The following ELOVL7 variants were observed in gnomAD, a reference collection of about 807,000 sequenced individuals.
ELOVL7 encodes the protein very long chain fatty acid elongase 7.
ELOVL7 carries 27 observed loss-of-function variants against 35.7 expected under a neutral mutation model. The observed-to-expected ratio is 0.76, with a 90% CI of 0.56 to 1.04. The LOEUF (loss-of-function observed/expected upper bound fraction) is 1.04. Among genes scored for constraint, ELOVL7 ranks in the 50% least tolerant of loss-of-function variants. The pLI, the probability that ELOVL7 is intolerant of heterozygous loss-of-function variation, is 0.00. For missense variants in ELOVL7, 327 were observed against 340.8 expected (o/e 0.96, Z 0.32); for synonymous variants, 113 against 114.6 (o/e 0.99, Z 0.09).
At chr5:60,837,323 G>GGGC (rs1561478270) in intron 1 of ELOVL7, among the ~76,000 whole-genome samples, 1 of 72,424 alleles carries the variant, frequency 1.4e-5, no homozygotes, top group Non-Finnish European at 2.8e-5. Flanking sequence ...GGTGGGGGGG[G>GGGC]AGTGGGGGGT....
chr5:60,776,948 T>C (rs1419235411), intron 3 of ELOVL7, among the ~76,000 whole-genome samples: 1 of 152,074 alleles, frequency 6.6e-6, no homozygotes, highest in Admixed American at 6.6e-5. Context: ...GAAGAAAATA[T>C]AAAAATTTAT....
At chr5:60,831,916 T>A (rs2112387240) in intron 1 of ELOVL7, among the ~76,000 whole-genome samples, 1 of 152,332 alleles carries the variant, frequency 6.6e-6, no homozygotes, top group South Asian at 2.1e-4. Context: ...TATGCTTGGA[T>A]CTTAATATAT....
rs140642833 is a variant in ELOVL7, at chr5:60,806,994, G to A, written c.-85-7764C>T. Among the ~76,000 whole-genome samples the A allele has an allele frequency of 1.8e-3, 267 of 152,272 alleles. 2 individuals carry two copies. Among genetic ancestry groups the A allele is most frequent in the Admixed American group, 3.1e-3 (47 of 15,300 alleles). ...ATACAAATGTTCTAAATTGCAAAAC[G>A]CTGTGGCCCAGGAAAGGGTCGGGAG... On this transcript the variant is annotated intron_variant, in intron 1 of 8. Coordinates refer to ENST00000508821, the MANE Select transcript of ELOVL7 (RefSeq NM_024930.3).
intron 3 of ELOVL7, among the ~76,000 whole-genome samples, chr5:60,774,710 C>T (rs1742800481): frequency 6.6e-6 from 1 of 151,040 alleles, no homozygotes; most frequent in African/African-American, 2.4e-5. Flanking sequence ...TCCCTGCTTG[C>T]TGATGATATG....
In ELOVL7 at chr5:60,826,557, G is replaced by A. The variant is rs145626005; in HGVS notation, c.-86+17603C>T. 5.2e-4 allele frequency among the ~76,000 whole-genome samples: 79 copies of A among 152,234 alleles called. 2 individuals carry two copies. In the East Asian group the frequency reaches 0.013, roughly 25 times the overall value. ...TTCCAAATTGCAAGGCATTTCTAATGCCAGTGCCTGTTTTTTAACAAATTT... is the reference window on the plus strand; with the variant it reads ...TTCCAAATTGCAAGGCATTTCTAATACCAGTGCCTGTTTTTTAACAAATTT... On this transcript the variant is annotated intron_variant, in intron 1 of 8. Transcript: ENST00000508821.
At chr5:60,818,187 G>A (rs551200377) in intron 1 of ELOVL7, among the ~76,000 whole-genome samples, 5 of 151,554 alleles carry the variant, frequency 3.3e-5, no homozygotes, top group African/African-American at 9.7e-5. Context: ...GTGTGGTGGC[G>A]GGCGCCTATA....
chr5:60,780,829 G>A lies in ELOVL7; in HGVS notation c.64+6505C>T, dbSNP rs531367343. ...TTACCTCCCACTGGGTCCCTCCCACGACATGTGGGAATTATGGGAACTACA... is the reference window on the plus strand; with the variant it reads ...TTACCTCCCACTGGGTCCCTCCCACAACATGTGGGAATTATGGGAACTACA... On this transcript the variant is annotated intron_variant, in intron 3 of 8. Coordinates refer to ENST00000508821, the MANE Select transcript of ELOVL7 (RefSeq NM_024930.3). Among the ~76,000 whole-genome samples, 30 of 152,028 alleles carry A rather than the reference G, an allele frequency of 2.0e-4. No individual in the cohort carries two copies. The East Asian group carries it at 3.5e-3, about 18-fold the overall frequency.
intron 1 of ELOVL7, among the ~76,000 whole-genome samples, chr5:60,834,346 C>T (rs888520199): frequency 6.6e-6 from 1 of 152,104 alleles, no homozygotes; most frequent in African/African-American, 2.4e-5. Context: ...GGGGTTTCAC[C>T]GTGTTAGCCA....
intron 1 of ELOVL7, among the ~76,000 whole-genome samples, chr5:60,813,829 T>C: frequency 6.6e-6 from 1 of 152,148 alleles, no homozygotes; most frequent in East Asian, 1.9e-4. Flanking sequence ...TCTTTTCTCT[T>C]AGATAGTTAG....
At chr5:60,794,818 A>G (rs899263746) in intron 2 of ELOVL7, among the ~76,000 whole-genome samples, 5 of 152,194 alleles carry the variant, frequency 3.3e-5, no homozygotes, top group African/African-American at 1.2e-4. Context: ...GATGCTGCTC[A>G]AGGGACCACA....
Position 60,833,845 on chromosome 5 carries a change from T to C in ELOVL7, c.-86+10315A>G, listed in dbSNP as rs574068624. 1.6e-3 allele frequency among the ~76,000 whole-genome samples: 251 copies of C among 152,316 alleles called. 2 individuals carry two copies. Among genetic ancestry groups the C allele is most frequent in the African/African-American group, 5.8e-3 (241 of 41,580 alleles). On this transcript the variant is annotated intron_variant, in intron 1 of 8. Coordinates refer to ENST00000508821, the MANE Select transcript of ELOVL7 (RefSeq NM_024930.3). ...AGACTTTAGCACAGTGGCTGGAATA[T>C]AGCCAGTGCTTAATAATTGCTATTA...
At chr5:60,824,686 G>T (rs187132758) in intron 1 of ELOVL7, among the ~76,000 whole-genome samples, 2 of 152,082 alleles carry the variant, frequency 1.3e-5, no homozygotes, top group African/African-American at 2.4e-5. Context: ...TTACTTTAAC[G>T]GTGGCCCAAG....
chr5:60,827,833 C>A (rs986698377), intron 1 of ELOVL7, among the ~76,000 whole-genome samples: 1 of 152,176 alleles, frequency 6.6e-6, no homozygotes, highest in African/African-American at 2.4e-5. Context: ...AGTTTTGGTA[C>A]CACAACCCAC....
chr5:60,792,927 T>G (rs751950544), intron 2 of ELOVL7, among the ~76,000 whole-genome samples: 18 of 152,192 alleles, frequency 1.2e-4, no homozygotes, highest in Non-Finnish European at 1.8e-4. Flanking sequence ...ATCCCCTTGA[T>G]GCATCCCTGC....
intron 1 of ELOVL7, among the ~76,000 whole-genome samples, chr5:60,841,040 T>G (rs1438106774): frequency 6.6e-6 from 1 of 150,974 alleles, no homozygotes; most frequent in African/African-American, 2.4e-5. Flanking sequence ...TTTTTTTTTT[T>G]TTTTAAGACA....
chr5:60,813,629 G>A (rs896435740), intron 1 of ELOVL7, among the ~76,000 whole-genome samples: 3 of 151,350 alleles, frequency 2.0e-5, no homozygotes, highest in Middle Eastern at 3.4e-3. Flanking sequence ...TCAACTCTTT[G>A]TTTTTGTTTA....
At chr5:60,789,974 T>G (rs892017973) in intron 2 of ELOVL7, among the ~76,000 whole-genome samples, 1 of 151,904 alleles carries the variant, frequency 6.6e-6, no homozygotes, top group Non-Finnish European at 1.5e-5. Context: ...CCTGTTTCTA[T>G]AAAAATACAA....
chr5:60,798,080 T>C (rs1744373468), intron 2 of ELOVL7, among the ~76,000 whole-genome samples: 2 of 152,170 alleles, frequency 1.3e-5, no homozygotes, highest in South Asian at 4.1e-4. Flanking sequence ...CTTACATACA[T>C]TGATTGATGT....
intron 3 of ELOVL7, among the ~76,000 whole-genome samples, chr5:60,774,718 A>G (rs1400783889): frequency 6.6e-6 from 1 of 151,782 alleles, no homozygotes; most frequent in Non-Finnish European, 1.5e-5. Context: ...TGCTGATGAT[A>G]TGATCTTCTA....
Sources: gnomAD v4.1 joint callset for allele counts (sites outside exome capture counted in the v4.1 genomes callset) on GRCh38, gnomAD v4.1.1 for gene constraint, MANE v1.5 for transcripts, NCBI Gene and HGNC (gene_info 2026-07-23, HGNC 2026-07-21) for gene names.